The following CORO2A variants were observed in gnomAD, a reference collection of about 807,000 sequenced individuals.
CORO2A encodes coronin-2A.
In CORO2A, 47 loss-of-function variants were observed where a neutral mutation model predicts 62.4. The observed-to-expected ratio is 0.75, with a 90% CI of 0.60 to 0.96. The LOEUF is 0.96. Among genes scored for constraint, CORO2A ranks in the 40% least tolerant of loss-of-function variants. The pLI is 0.00. For synonymous variants in CORO2A, 273 were observed against 268.9 expected (o/e 1.02, Z -0.15); for missense variants, 610 against 684.1 (o/e 0.89, Z 1.21).
chr9:98,179,750 A>C (rs1156723781), intron 1 of CORO2A, among the ~76,000 whole-genome samples: 1 of 152,130 alleles, frequency 6.6e-6, no homozygotes, highest in Non-Finnish European at 1.5e-5. Flanking sequence ...CTTGCCTGTA[A>C]TCCCAGCACT....
In CORO2A at chr9:98,130,951, CG is replaced by C. The variant is rs368790199; in HGVS notation, c.870+3del. 7,628 of 1,612,518 alleles carry C rather than the reference CG, an allele frequency of 4.7e-3. 23 individuals carry two copies. The highest frequency in any genetic ancestry group is 6.1e-3 in the Non-Finnish European group (7,189 of 1,179,242). ...AGGTCACCTCCCTCCCGTGCCAAGC[CG>C]ACCTTCCCCACCACGTAGAGCATGC... On this transcript the variant is annotated splice_donor_region_variant and intron_variant, in intron 7 of 11. Coordinates refer to ENST00000375077, the MANE Select transcript of CORO2A (RefSeq NM_052820.4).
intron 4 of CORO2A, among the ~76,000 whole-genome samples, chr9:98,133,918 C>T (rs538494332): frequency 2.6e-5 from 4 of 152,092 alleles, no homozygotes; most frequent in South Asian, 2.1e-4. Context: ...CCACACCTGG[C>T]TAATTTTTTC....
chr9:98,178,768 C>T (rs1427514682), intron 1 of CORO2A, among the ~76,000 whole-genome samples: 2 of 152,160 alleles, frequency 1.3e-5, no homozygotes, highest in African/African-American at 4.8e-5. Flanking sequence ...TTTTCCTGCA[C>T]CCCAATGTGC....
intron 2 of CORO2A, among the ~76,000 whole-genome samples, chr9:98,156,395 A>G (rs1316299441): frequency 6.6e-6 from 1 of 151,946 alleles, no homozygotes; most frequent in Non-Finnish European, 1.5e-5. Flanking sequence ...TTCTTTTCTA[A>G]TATAAGCATT....
intron 1 of CORO2A, among the ~76,000 whole-genome samples, chr9:98,181,782 C>T (rs1269891824): frequency 1.3e-5 from 2 of 152,110 alleles, no homozygotes; most frequent in African/African-American, 2.4e-5. Context: ...CTTAGAACAT[C>T]CCATCCATCC....
intron 2 of CORO2A, among the ~76,000 whole-genome samples, chr9:98,146,474 C>T (rs1386251200): frequency 1.3e-5 from 2 of 152,220 alleles, no homozygotes; most frequent in Admixed American, 6.5e-5. Context: ...GCAGCCCGGC[C>T]CCTCTGAGAA....
intron 2 of CORO2A, among the ~76,000 whole-genome samples, chr9:98,140,654 A>G (rs1827552947): frequency 6.6e-6 from 1 of 152,176 alleles, no homozygotes; most frequent in South Asian, 2.1e-4. Context: ...TATGTTGCCC[A>G]GGCTGGTCTT....
At position 98,128,612 on chromosome 9, in the gene CORO2A, G is replaced by A. The variant is rs764655582; in HGVS notation, c.1075C>T (p.Arg359Trp). 35 of 1,613,920 alleles carry A rather than the reference G, an allele frequency of 2.2e-5. No homozygotes were observed. Among genetic ancestry groups the A allele is most frequent in the Non-Finnish European group, 2.7e-5 (32 of 1,179,924 alleles). The change falls in exon 9 of 12, where the codon CGG becomes TGG. Residue 359 changes from arginine (R) to tryptophan (W), a missense_variant. By Grantham distance (101) the Arg-to-Trp change is moderately radical. Coordinates refer to ENST00000375077, the MANE Select transcript of CORO2A (RefSeq NM_052820.4). ...GCGGTCCCGACTGCCCTTACCCGCC[G>A]GGGCACAATCATGGAGATGGGCTCG... The part of the protein sequence containing the change: ...LIEPISMIVP[R>W]RSESYQEDIY...
rs769419928 is a variant in CORO2A at position 98,157,446 on chromosome 9, G to A, written c.201+14C>T. ...TGCCTCCAGAGAGCTGTTTGGGCCT[G>A]GGGGTGTCCTTACCTGGTGCAGGGG... On this transcript the variant is annotated intron_variant, in intron 2 of 11. Coordinates refer to ENST00000375077, the MANE Select transcript of CORO2A (RefSeq NM_052820.4). 3.1e-6 allele frequency: 5 copies of A among 1,613,466 alleles called. No individual in the cohort carries two copies. Among genetic ancestry groups the A allele is most frequent in the Non-Finnish European group, 4.2e-6 (5 of 1,179,464 alleles).
rs1279997862 is a variant in CORO2A at position 98,137,834 on chromosome 9, G to A, written c.202-146C>T. ...ATCTAGGCCTTACTTCTTATTCCCTGTGGGATCCTGGGGGAGTTACTTCAC... is the reference window on the plus strand; with the variant it reads ...ATCTAGGCCTTACTTCTTATTCCCTATGGGATCCTGGGGGAGTTACTTCAC... On this transcript the variant is annotated intron_variant, in intron 2 of 11. Transcript: ENST00000375077. The A allele has an allele frequency of 9.1e-6, 6 of 661,822 alleles. No individual in the cohort carries two copies. The Admixed American group carries it at 1.4e-4, about 16-fold the overall frequency. The allele number at this position is 661,822 out of a possible 1,614,324, so 41.0% of individuals were successfully genotyped here. A position where few individuals can be genotyped will look rare whatever the true frequency, so the allele number is the denominator to read the frequency against.
At chr9:98,180,058 C>T (rs1418871516) in intron 1 of CORO2A, among the ~76,000 whole-genome samples, 1 of 152,126 alleles carries the variant, frequency 6.6e-6, no homozygotes, top group Non-Finnish European at 1.5e-5. Flanking sequence ...CAAAGTCTGA[C>T]ATTTTACGAT....
intron 4 of CORO2A, among the ~76,000 whole-genome samples, chr9:98,133,500 CA>C (rs1477118981): frequency 3.0e-4 from 45 of 152,170 alleles, no homozygotes; most frequent in African/African-American, 1.0e-3. Flanking sequence ...CCAGCTAATC[CA>C]GGCGGTTTCA....
At chr9:98,125,178 G>C (rs1371332760) in intron 11 of CORO2A, among the ~76,000 whole-genome samples, 1 of 152,174 alleles carries the variant, frequency 6.6e-6, no homozygotes, top group African/African-American at 2.4e-5. Flanking sequence ...TGAAGTCTGG[G>C]GATTGGTGTT....
At chr9:98,168,005 G>A (rs1211631931) in intron 1 of CORO2A, among the ~76,000 whole-genome samples, 1 of 152,220 alleles carries the variant, frequency 6.6e-6, no homozygotes, top group African/African-American at 2.4e-5. Context: ...AAGCAGGAGA[G>A]CACAGAGGTG....
intron 1 of CORO2A, among the ~76,000 whole-genome samples, chr9:98,169,961 C>T (rs1349931196): frequency 6.6e-6 from 1 of 152,128 alleles, no homozygotes; most frequent in African/African-American, 2.4e-5. Context: ...GAGGTCCCAT[C>T]CTGACATTTG....
intron 2 of CORO2A, among the ~76,000 whole-genome samples, chr9:98,147,740 T>G: frequency 6.6e-6 from 1 of 152,350 alleles, no homozygotes; most frequent in Middle Eastern, 3.4e-3. Flanking sequence ...AGGCTAAACA[T>G]GCAACTACCT....
intron 2 of CORO2A, among the ~76,000 whole-genome samples, chr9:98,147,552 G>A (rs543042144): frequency 7.9e-5 from 12 of 152,256 alleles, no homozygotes; most frequent in African/African-American, 2.9e-4. Flanking sequence ...AATGCAATTG[G>A]CAAACAAGTA....
Position 98,163,712 on chromosome 9 carries a change from G to GTGTGTGTGTGTGTGTGTA in CORO2A, c.1-6070_1-6053dup, listed in dbSNP as rs1564213016. On this transcript the variant is annotated intron_variant, in intron 1 of 11. Transcript: ENST00000375077. ...GCTCCTTTCTTGACATACATGCGGG[G>GTGTGTGTGTGTGTGTGTA]TGTGTGTGTGTGTGTGTATGTGTGT... is the stretch of plus-strand genomic sequence containing the variant. Among the ~76,000 whole-genome samples the GTGTGTGTGTGTGTGTGTA allele has an allele frequency of 5.7e-3, 683 of 118,944 alleles. 9 individuals carry two copies. The highest frequency in any genetic ancestry group is 0.018 in the African/African-American group (627 of 35,172). The allele number at this position is 118,944 out of a possible 152,430, so 78.0% of individuals were successfully genotyped here. A position where few individuals can be genotyped will look rare whatever the true frequency, so the allele number is the denominator to read the frequency against.
chr9:98,190,066 G>C (rs1215525453), intron 1 of CORO2A, among the ~76,000 whole-genome samples: 1 of 152,030 alleles, frequency 6.6e-6, no homozygotes, highest in Non-Finnish European at 1.5e-5. Flanking sequence ...TATATTTTTA[G>C]TACAGACAGG....
Sources: gnomAD v4.1 joint callset for allele counts (sites outside exome capture counted in the v4.1 genomes callset) on GRCh38, gnomAD v4.1.1 for gene constraint, MANE v1.5 for transcripts, NCBI Gene and HGNC (gene_info 2026-07-23, HGNC 2026-07-21) for gene names.